Variants in BEND7 observed in about 807,000 individuals in gnomAD.
BEND7 encodes BEN domain containing 7, also known as BEN domain-containing protein 7.
In BEND7, 28 loss-of-function variants were observed where a neutral mutation model predicts 50.9. That is an observed-to-expected ratio of 0.55 (90% CI 0.41 to 0.75). The LOEUF is 0.75. Ranked by LOEUF, BEND7 falls within the 30% of genes least tolerant of loss-of-function variation. BEND7 has a pLI of 0.00. For synonymous variants in BEND7, 170 were observed against 183.9 expected (o/e 0.92, Z 0.61); for missense variants, 477 against 491.3 (o/e 0.97, Z 0.28).
chr10:13,439,643 G>A, downstream of BEND7: 1 of 758,834 alleles, frequency 1.3e-6, no homozygotes, highest in Non-Finnish European at 2.0e-6. Flanking sequence ...TGTCAGCTTT[G>A]ACACATTCTC....
chr10:13,506,267 C>G (rs1320672889), intron 2 of BEND7, among the ~76,000 whole-genome samples: 1 of 152,196 alleles, frequency 6.6e-6, no homozygotes, highest in African/African-American at 2.4e-5. Context: ...GTGGATCCTG[C>G]CTTCCCTGTT....
intron 6 of BEND7, among the ~76,000 whole-genome samples, chr10:13,466,243 T>A (rs1268586435): frequency 6.6e-6 from 1 of 151,794 alleles, no homozygotes; most frequent in Non-Finnish European, 1.5e-5. Flanking sequence ...TTTTTTTTTT[T>A]AGCAAAGAAA....
In BEND7 at chr10:13,441,715, C is replaced by T; in HGVS notation, c.*28G>A. ...ATTTTAAAACCCATGGTGCAAAAAA[C>T]ACAAGAGCTGTGGTTTGCAGTCCTT... On this transcript the variant is annotated 3_prime_UTR_variant, in exon 9 of 9. Coordinates refer to ENST00000466271, the MANE Select transcript of BEND7 (RefSeq NM_001369863.1). The T allele has an allele frequency of 6.2e-7, 1 of 1,613,584 alleles. No homozygotes were observed. Among genetic ancestry groups the T allele is most frequent in the South Asian group, 1.1e-5 (1 of 90,944 alleles).
At chr10:13,452,302 T>C (rs1837923645) in intron 7 of BEND7, among the ~76,000 whole-genome samples, 1 of 152,200 alleles carries the variant, frequency 6.6e-6, no homozygotes, top group African/African-American at 2.4e-5. Flanking sequence ...AGATTAGCAA[T>C]CTTTTTCACT....
intron 2 of BEND7, among the ~76,000 whole-genome samples, chr10:13,517,906 A>G (rs2078809966): frequency 6.6e-6 from 1 of 152,246 alleles, no homozygotes; most frequent in South Asian, 2.1e-4. Flanking sequence ...TGTCCAGGTC[A>G]CTTTCTCTCC....
At chr10:13,498,047 G>A (rs1250082956) in intron 3 of BEND7, among the ~76,000 whole-genome samples, 1 of 147,586 alleles carries the variant, frequency 6.8e-6, no homozygotes, top group African/African-American at 2.5e-5. Flanking sequence ...AGTAGTCACA[G>A]TTATATGTAA....
At chr10:13,476,074 G>A (rs1391188446) in intron 6 of BEND7, among the ~76,000 whole-genome samples, 1 of 152,090 alleles carries the variant, frequency 6.6e-6, no homozygotes, top group East Asian at 1.9e-4. Context: ...ATCTACGTGA[G>A]ATCAAATAGA....
At chr10:13,446,275 C>G (rs1339047096) in intron 8 of BEND7, 1 of 152,234 alleles carries the variant, frequency 6.6e-6, no homozygotes, top group African/African-American at 2.4e-5. Flanking sequence ...CTCTGAAGTT[C>G]ACTAGCACAG....
chr10:13,451,381 T>C (rs879116528), intron 7 of BEND7, among the ~76,000 whole-genome samples: 1 of 150,484 alleles, frequency 6.6e-6, no homozygotes, highest in South Asian at 2.1e-4. Context: ...TCTTTTTTTT[T>C]GGTGTGTGTG....
chr10:13,507,566 C>T (rs2077987159), intron 2 of BEND7, among the ~76,000 whole-genome samples: 1 of 152,210 alleles, frequency 6.6e-6, no homozygotes, highest in African/African-American at 2.4e-5. Flanking sequence ...TAAATGGCCA[C>T]TGAGTGACTT....
chr10:13,466,121 CT>C (rs1281873776), intron 6 of BEND7, among the ~76,000 whole-genome samples: 1 of 152,006 alleles, frequency 6.6e-6, no homozygotes, highest in East Asian at 1.9e-4. Flanking sequence ...TGTGCCATGC[CT>C]TTGTTTAACA....
intron 4 of BEND7, among the ~76,000 whole-genome samples, chr10:13,494,118 TA>T (rs1003139287): frequency 4.5e-4 from 68 of 152,118 alleles, no homozygotes; most frequent in Non-Finnish European, 7.4e-4. Context: ...CACTTGAGTT[TA>T]AAAAAACTGA....
intron 2 of BEND7, among the ~76,000 whole-genome samples, chr10:13,522,609 G>A (rs1026857438): frequency 6.6e-6 from 1 of 152,120 alleles, no homozygotes; most frequent in Non-Finnish European, 1.5e-5. Context: ...TTCCCACCTG[G>A]AATCTTCTCC....
At chr10:13,469,321 G>C (rs2074567220) in intron 6 of BEND7, among the ~76,000 whole-genome samples, 1 of 151,222 alleles carries the variant, frequency 6.6e-6, no homozygotes, top group Non-Finnish European at 1.5e-5. Flanking sequence ...GCAGGGAGCA[G>C]TCAGTGGGAA....
At chr10:13,495,911 G>C (rs1257442140) in intron 4 of BEND7, among the ~76,000 whole-genome samples, 4 of 152,170 alleles carry the variant, frequency 2.6e-5, no homozygotes, top group Admixed American at 6.5e-5. Flanking sequence ...GATGTCCCTT[G>C]ACAAGAGGGA....
At chr10:13,491,009 G>A (rs1206566536) in intron 5 of BEND7, among the ~76,000 whole-genome samples, 2 of 152,008 alleles carry the variant, frequency 1.3e-5, no homozygotes, top group African/African-American at 4.8e-5. Flanking sequence ...TTCCCATGTT[G>A]GCCAGGCTGG....
chr10:13,509,808 C>T (rs1290475924), intron 2 of BEND7, among the ~76,000 whole-genome samples: 1 of 152,160 alleles, frequency 6.6e-6, no homozygotes, highest in African/African-American at 2.4e-5. Flanking sequence ...AAGTCAAAAA[C>T]GAAAGGACCC....
chr10:13,485,100 C>T (rs1247946810), intron 5 of BEND7, among the ~76,000 whole-genome samples: 1 of 152,142 alleles, frequency 6.6e-6, no homozygotes, highest in Non-Finnish European at 1.5e-5. Context: ...TTCCCCACCC[C>T]TCTGCCCCGT....
intron 6 of BEND7, among the ~76,000 whole-genome samples, chr10:13,457,915 G>C (rs775473552): frequency 6.6e-6 from 1 of 152,324 alleles, no homozygotes; most frequent in Non-Finnish European, 1.5e-5. Context: ...GAATGCAATA[G>C]GTTCTAAAAA....
Sources: gnomAD v4.1 joint callset for allele counts (sites outside exome capture counted in the v4.1 genomes callset) on GRCh38, gnomAD v4.1.1 for gene constraint, MANE v1.5 for transcripts, NCBI Gene and HGNC (gene_info 2026-07-23, HGNC 2026-07-21) for gene names.